Variants in NIBAN1 observed in about 807,000 individuals in gnomAD.
The protein encoded by NIBAN1 is protein Niban 1.
A neutral mutation model predicts 75.1 loss-of-function variants in NIBAN1; 81 were observed. The ratio of observed to expected loss-of-function variants is 1.08; its 90% CI spans 0.90 to 1.30. NIBAN1 has a LOEUF of 1.30. Among genes scored for constraint, NIBAN1 ranks in the 50% most tolerant of loss-of-function variants. The pLI, the probability that NIBAN1 is intolerant of heterozygous loss-of-function variation, is 0.00. For missense variants in NIBAN1, 1,133 were observed against 1,128.1 expected (o/e 1.00, Z -0.06); for synonymous variants, 436 against 424.8 (o/e 1.03, Z -0.32).
intron 1 of NIBAN1, among the ~76,000 whole-genome samples, chr1:184,956,271 CT>C (rs1308905048): frequency 1.3e-5 from 2 of 152,200 alleles, no homozygotes; most frequent in African/African-American, 4.8e-5. Context: ...AAGCGATCCT[CT>C]TGCCTTGGGC....
chr1:184,894,292 T>C, intron 2 of NIBAN1, 86 bp from the exon 3 acceptor site: 1 of 1,388,296 alleles, frequency 7.2e-7, no homozygotes, highest in Admixed American at 2.9e-5. Context: ...TTTCAAGGAA[T>C]AGTTTAGGAA....
chr1:184,899,953 A>T (rs1454684515), intron 1 of NIBAN1, among the ~76,000 whole-genome samples: 1 of 151,688 alleles, frequency 6.6e-6, no homozygotes, highest in Non-Finnish European at 1.5e-5. Flanking sequence ...AGTAGCTGGG[A>T]TTACATGTAT....
At chr1:184,901,450 G>A (rs1163446095) in intron 1 of NIBAN1, among the ~76,000 whole-genome samples, 5 of 152,170 alleles carry the variant, frequency 3.3e-5, no homozygotes, top group Non-Finnish European at 7.3e-5. Context: ...TTTATGCAGT[G>A]TAATTCTCTA....
At chr1:184,823,593 T>C (rs1217361908) in intron 7 of NIBAN1, 45 bp downstream of exon 7, 2 of 1,586,722 alleles carry the variant, frequency 1.3e-6, no homozygotes, top group East Asian at 4.5e-5. Flanking sequence ...GAAGAGAATG[T>C]TCCCATTTTG....
At chr1:184,906,611 CAA>C (rs1657112689) in intron 1 of NIBAN1, among the ~76,000 whole-genome samples, 1 of 152,058 alleles carries the variant, frequency 6.6e-6, no homozygotes, top group Non-Finnish European at 1.5e-5. Context: ...GCCTGGGTAA[CAA>C]GAGTGAAACT....
chr1:184,956,356 TG>T (rs1319448036), intron 1 of NIBAN1, among the ~76,000 whole-genome samples: 3 of 152,174 alleles, frequency 2.0e-5, no homozygotes, highest in African/African-American at 7.2e-5. Flanking sequence ...TCATGGGCTC[TG>T]TGGATAGAAT....
chr1:184,911,259 A>C (rs1005568144), intron 1 of NIBAN1, among the ~76,000 whole-genome samples: 1 of 152,256 alleles, frequency 6.6e-6, no homozygotes, highest in African/African-American at 2.4e-5. Context: ...TAGTGCTTCT[A>C]TGTAATAAGT....
At chr1:184,844,698 T>C (rs1360742940) in intron 5 of NIBAN1, among the ~76,000 whole-genome samples, 1 of 152,248 alleles carries the variant, frequency 6.6e-6, no homozygotes, top group Admixed American at 6.5e-5. Context: ...CTTAAAACTT[T>C]TAACTACTGC....
At chr1:184,843,287 GAT>G (rs1655345870) in intron 5 of NIBAN1, among the ~76,000 whole-genome samples, 1 of 152,070 alleles carries the variant, frequency 6.6e-6, no homozygotes, top group Non-Finnish European at 1.5e-5. Flanking sequence ...GCACTCAGTG[GAT>G]ATGTGGATTA....
chr1:184,943,287 G>T (rs192162404), intron 1 of NIBAN1, among the ~76,000 whole-genome samples: 3 of 152,124 alleles, frequency 2.0e-5, no homozygotes, highest in Admixed American at 2.0e-4. Context: ...AAAAACAAGG[G>T]GTTTAGCCTG....
intron 6 of NIBAN1, among the ~76,000 whole-genome samples, chr1:184,824,704 T>A (rs1654798185): frequency 1.3e-5 from 2 of 152,204 alleles, no homozygotes; most frequent in South Asian, 4.1e-4. Context: ...TTTTTTTAAA[T>A]GGAGTTTTAT....
rs1218086937 is a variant in NIBAN1, at chr1:184,795,392, A to G, written c.2372T>C (p.Val791Ala). ...HGEELGGFPEVGSPASPPASG... is the reference protein window; with the variant it reads ...HGEELGGFPEAGSPASPPASG... ...GGCTGGCGGAGAGGCTGGGCTGCCT[A>G]CCTCTGGAAATCCCCCCAACTCCTC... Residue 791 changes from valine (V) to alanine (A), a missense_variant, in exon 14 of 14, where the codon GTA (valine) becomes GCA (alanine). Val to Ala is a moderately conservative substitution (Grantham distance 64). Transcript: ENST00000367511. 3 of 1,604,932 alleles carry G rather than the reference A, an allele frequency of 1.9e-6. No homozygotes were observed. Among genetic ancestry groups the G allele is most frequent in the Non-Finnish European group, 2.6e-6 (3 of 1,176,200 alleles).
At chr1:184,967,778 T>C (rs964636485) in intron 1 of NIBAN1, among the ~76,000 whole-genome samples, 10 of 152,326 alleles carry the variant, frequency 6.6e-5, no homozygotes, top group African/African-American at 2.2e-4. Flanking sequence ...ATCATCTAAC[T>C]CCATGGGATT....
chr1:184,827,551 A>T (rs1408668559), intron 6 of NIBAN1, among the ~76,000 whole-genome samples: 1 of 64,708 alleles, frequency 1.5e-5, no homozygotes. Context: ...GTGACCTAAA[A>T]ATACTTCAGT....
At chr1:184,855,683 T>A (rs1029485855) in intron 5 of NIBAN1, among the ~76,000 whole-genome samples, 4 of 152,240 alleles carry the variant, frequency 2.6e-5, no homozygotes, top group Admixed American at 2.6e-4. Context: ...TTTACTGTGT[T>A]CATGGTCTAT....
rs72739639 is a variant in NIBAN1, at chr1:184,932,022, G to A, written c.56-32713C>T. On this transcript the variant is annotated intron_variant, in intron 1 of 13. Coordinates refer to ENST00000367511, the MANE Select transcript of NIBAN1 (RefSeq NM_052966.4). ...GAATATTAGTGTTACCCCTCCCAGG[G>A]CTACTAATATTTGAAACATAGCATC... Among the ~76,000 whole-genome samples the A allele has an allele frequency of 9.8e-3, 1,494 of 152,172 alleles. 7 individuals carry two copies. Among genetic ancestry groups the A allele is most frequent in the Non-Finnish European group, 0.016 (1,056 of 68,022 alleles).
At chr1:184,845,226 C>G (rs1403381220) in intron 5 of NIBAN1, among the ~76,000 whole-genome samples, 1 of 151,990 alleles carries the variant, frequency 6.6e-6, no homozygotes, top group African/African-American at 2.4e-5. Flanking sequence ...GAGCTTTACA[C>G]TTAGGGTAAA....
At chr1:184,879,259 T>C (rs1656313614) in intron 5 of NIBAN1, among the ~76,000 whole-genome samples, 1 of 152,212 alleles carries the variant, frequency 6.6e-6, no homozygotes, top group Non-Finnish European at 1.5e-5. Context: ...CATTCAAAGA[T>C]ATGTTCATGA....
intron 1 of NIBAN1, among the ~76,000 whole-genome samples, chr1:184,932,046 T>C (rs1657837945): frequency 6.6e-6 from 1 of 152,188 alleles, no homozygotes; most frequent in Non-Finnish European, 1.5e-5. Flanking sequence ...AAACATAGCA[T>C]CTAATTATAA....
Sources: allele counts gnomAD v4.1 joint callset (sites outside exome capture counted in the v4.1 genomes callset), GRCh38; gene constraint gnomAD v4.1.1; transcripts MANE v1.5; gene names NCBI Gene and HGNC (gene_info 2026-07-23, HGNC 2026-07-21).